The following TRIM37 variants were observed in gnomAD, a reference collection of about 807,000 sequenced individuals.
The protein encoded by TRIM37 is E3 ubiquitin-protein ligase TRIM37.
TRIM37 carries 80 observed loss-of-function variants against 129.8 expected under a neutral mutation model. That is an observed-to-expected ratio of 0.62 (90% CI 0.51 to 0.74). The LOEUF is 0.74. TRIM37 is among the 30% of genes least tolerant of loss of function. The probability of loss-of-function intolerance (pLI) is 0.00; values close to 1 mark genes in which losing one functional copy is unlikely to be tolerated. For missense variants in TRIM37, 1,054 were observed against 1,176.5 expected (o/e 0.90, Z 1.52); for synonymous variants, 389 against 387.1 (o/e 1.00, Z -0.06).
chr17:59,069,985 T>C (rs912208593), intron 9 of TRIM37, among the ~76,000 whole-genome samples: 3 of 152,200 alleles, frequency 2.0e-5, no homozygotes, highest in Admixed American at 6.5e-5. Flanking sequence ...TGTGAGAAAA[T>C]ACATTTCTGT....
rs150729894 is a variant in TRIM37 at position 59,000,391 on chromosome 17, G to A, written c.2813-932C>T. Among the ~76,000 whole-genome samples the A allele has an allele frequency of 3.3e-3, 510 of 152,266 alleles. 6 individuals carry two copies. Among genetic ancestry groups the A allele is most frequent in the African/African-American group, 0.012 (501 of 41,550 alleles). On this transcript the variant is annotated intron_variant, in intron 23 of 23. Coordinates refer to ENST00000262294, the MANE Select transcript of TRIM37 (RefSeq NM_015294.6). Reference sequence around the variant, plus strand: ...AAGGTGGGCAGATCACCTGAGGTCAGGAGTTCGAGACCAGGCTGGCCAACA... The same window carrying A: ...AAGGTGGGCAGATCACCTGAGGTCAAGAGTTCGAGACCAGGCTGGCCAACA...
chr17:59,074,707 AT>A (rs1439295446), intron 8 of TRIM37, among the ~76,000 whole-genome samples: 1 of 152,232 alleles, frequency 6.6e-6, no homozygotes, highest in Non-Finnish European at 1.5e-5. Flanking sequence ...AATGATTAAG[AT>A]AAAAATCTCA....
intron 10 of TRIM37, among the ~76,000 whole-genome samples, chr17:59,063,775 G>A (rs1284343547): frequency 1.3e-5 from 2 of 152,182 alleles, no homozygotes; most frequent in East Asian, 3.8e-4. Flanking sequence ...TATTTCTGAG[G>A]ATAGGTAAGA....
At chr17:59,069,379 AT>A (rs2042182354) in intron 9 of TRIM37, among the ~76,000 whole-genome samples, 1 of 152,002 alleles carries the variant, frequency 6.6e-6, no homozygotes, top group Non-Finnish European at 1.5e-5. Context: ...AATTAAAAAA[AT>A]AAAAAATAAA....
chr17:59,008,630 T>C (rs2034849875), intron 22 of TRIM37, among the ~76,000 whole-genome samples: 1 of 152,198 alleles, frequency 6.6e-6, no homozygotes, highest in Non-Finnish European at 1.5e-5. Context: ...CCGGGTGTGG[T>C]GGCTCATGTC....
At chr17:59,023,297 C>T (rs564920045) in intron 19 of TRIM37, among the ~76,000 whole-genome samples, 4 of 152,152 alleles carry the variant, frequency 2.6e-5, no homozygotes, top group Non-Finnish European at 2.9e-5. Context: ...AGGCTGGTCT[C>T]GAACTCCTGG....
At chr17:59,086,234 T>C (rs1356704367) in intron 4 of TRIM37, among the ~76,000 whole-genome samples, 2 of 152,012 alleles carry the variant, frequency 1.3e-5, no homozygotes, top group East Asian at 3.9e-4. Context: ...GACATACTCT[T>C]GCAATTTTTT....
At chr17:58,967,803 CTTT>C in the TRIM37 span, among the ~76,000 whole-genome samples, 2 of 138,048 alleles carry the variant, frequency 1.4e-5, no homozygotes. Flanking sequence ...TTCTTTATTT[CTTT>C]TTTTTTTTTT....
At position 59,104,752 on chromosome 17, in the gene TRIM37, A is replaced by G. The variant is rs1044589773; in HGVS notation, c.22-358T>C. Among the ~76,000 whole-genome samples, 3 of 152,112 alleles carry G rather than the reference A, an allele frequency of 2.0e-5. No homozygotes were observed. In the South Asian group the frequency reaches 6.2e-4, roughly 32 times the overall value. ...CACATAGATTACAGTCACCAGAAAT[A>G]CTTCTTCATCTAATGATATAGAAAA... On this transcript the variant is annotated intron_variant, in intron 1 of 23. Transcript: ENST00000262294.
chr17:59,064,424 A>C lies in TRIM37; in HGVS notation c.810-19T>G. On this transcript the variant is annotated intron_variant, in intron 9 of 23. Transcript: ENST00000262294. ...TAATTCACTAAAAAAAAAAAGGCAA[A>C]AAAAATTATTTAGCTTACATGTTTA... 1 of 1,565,592 alleles carries C rather than the reference A, an allele frequency of 6.4e-7. No homozygotes were observed. The highest frequency in any genetic ancestry group is 8.7e-7 in the Non-Finnish European group (1 of 1,150,300).
intron 17 of TRIM37, among the ~76,000 whole-genome samples, chr17:59,038,731 T>C (rs1169732028): frequency 6.6e-6 from 1 of 152,160 alleles, no homozygotes. Flanking sequence ...GGCTGAAAAG[T>C]TAGTCAGTCA....
chr17:59,011,091 C>T (rs1158157492), intron 22 of TRIM37, among the ~76,000 whole-genome samples: 1 of 151,850 alleles, frequency 6.6e-6, no homozygotes, highest in East Asian at 1.9e-4. Flanking sequence ...ATCGCTTGAA[C>T]CCGGGAGTTG....
intron 24 of TRIM37, chr17:58,983,071 G>C: frequency 3.0e-6 from 2 of 668,238 alleles, no homozygotes; most frequent in Non-Finnish European, 4.9e-6. Context: ...AAGGGAAAAA[G>C]TTACTACACA....
intron 8 of TRIM37, among the ~76,000 whole-genome samples, chr17:59,075,322 G>T (rs1325584448): frequency 6.6e-6 from 1 of 152,008 alleles, no homozygotes; most frequent in African/African-American, 2.4e-5. Flanking sequence ...CCAGCAGCTT[G>T]GGAGGCTGAG....
At chr17:58,973,545 T>A in the TRIM37 span, among the ~76,000 whole-genome samples, 1 of 151,978 alleles carries the variant, frequency 6.6e-6, no homozygotes. Flanking sequence ...ACAGGCACAG[T>A]GGCTCACGCC....
intron 13 of TRIM37, among the ~76,000 whole-genome samples, chr17:59,055,490 C>G (rs536113093): frequency 6.6e-6 from 1 of 151,326 alleles, no homozygotes; most frequent in Non-Finnish European, 1.5e-5. Context: ...GTCAGGAGAT[C>G]GAGACCATCC....
At chr17:59,012,551 G>T in intron 21 of TRIM37, 105 bp from the exon 22 acceptor site, 1 of 780,704 alleles carries the variant, frequency 1.3e-6, no homozygotes. Flanking sequence ...GTGCTCTGGT[G>T]CTTAATACTA....
At chr17:59,083,213 A>G (rs2043455615) in intron 5 of TRIM37, among the ~76,000 whole-genome samples, 1 of 152,184 alleles carries the variant, frequency 6.6e-6, no homozygotes, top group Admixed American at 6.5e-5. Context: ...AGTCAGGTGG[A>G]TCACCTGAGG....
intron 2 of TRIM37, among the ~76,000 whole-genome samples, chr17:59,103,989 CTCTA>C (rs780765948): frequency 9.9e-5 from 15 of 152,084 alleles, no homozygotes; most frequent in Non-Finnish European, 2.2e-4. Context: ...AACACTTTTT[CTCTA>C]TCTTACTCAC....
Sources: allele counts gnomAD v4.1 joint callset (sites outside exome capture counted in the v4.1 genomes callset), GRCh38; gene constraint gnomAD v4.1.1; transcripts MANE v1.5; gene names NCBI Gene and HGNC (gene_info 2026-07-23, HGNC 2026-07-21).